PTK7: variants seen among roughly 807,000 people sequenced by gnomAD.
PTK7 encodes the protein protein tyrosine kinase 7 (inactive).
PTK7 carries 39 observed loss-of-function variants against 116.6 expected under a neutral mutation model. That is an observed-to-expected ratio of 0.33 (90% confidence interval 0.26 to 0.44). PTK7 has a LOEUF of 0.44. Among genes scored for constraint, PTK7 ranks in the 20% least tolerant of loss-of-function variants. PTK7 has a pLI of 1.00. For synonymous variants in PTK7, 546 were observed against 563.6 expected (o/e 0.97, Z 0.44); for missense variants, 1,169 against 1,425.6 (o/e 0.82, Z 2.90).
rs2150362184 is a variant in PTK7, at chr6:43,076,408, G to T, written c.-81G>T. The T allele has an allele frequency of 6.8e-6, 8 of 1,182,204 alleles. No homozygotes were observed. Among genetic ancestry groups the T allele is most frequent in the South Asian group, 4.0e-5 (2 of 50,018 alleles). The allele number at this position is 1,182,204 out of a possible 1,614,324, so 73.2% of individuals were successfully genotyped here. A position where few individuals can be genotyped will look rare whatever the true frequency, so the allele number is the denominator to read the frequency against. On this transcript the variant is annotated 5_prime_UTR_variant, in exon 1 of 20. Coordinates refer to ENST00000230419, the MANE Select transcript of PTK7 (RefSeq NM_002821.5). This position sits in a 1 kb window ranked among gnomAD's most constrained non-coding sequence, Gnocchi z 5.7. ...TGCTGCGGCGCCCGCGCTCCGGTGC[G>T]CTCCGCCTCCTGTGCCCGCCGCGGA...
chr6:43,107,258 A>G (rs1482089886), intron 1 of PTK7, among the ~76,000 whole-genome samples: 1 of 152,060 alleles, frequency 6.6e-6, no homozygotes, highest in Non-Finnish European at 1.5e-5. Flanking sequence ...TCTGACTTAG[A>G]TGCTTCTCTT....
rs761818353 is a variant in PTK7 at position 43,142,066 on chromosome 6, C to G, written c.1904C>G (p.Thr635Ser). ...GGCAAGGACCGCATCCTGGACCCCA[C>G]CAAGCTGGGACCCAGGTAGGGCCAC... ...WKGKDRILDP[T>S]KLGPRMHIFQ... is the part of the protein sequence containing the mutation. The change falls in exon 12 of 20, where the codon ACC (threonine) becomes AGC (serine). Residue 635 changes from threonine to serine, a missense_variant. By Grantham distance (58) the Thr-to-Ser change is moderately conservative (BLOSUM62 1). Coordinates refer to ENST00000230419, the MANE Select transcript of PTK7 (RefSeq NM_002821.5). 18 of 1,613,702 alleles carry G rather than the reference C, an allele frequency of 1.1e-5. No individual in the cohort carries two copies. The African/African-American group carries it at 2.0e-4, about 18-fold the overall frequency.
intron 1 of PTK7, chr6:43,077,004 G>C: frequency 6.9e-7 from 1 of 1,453,800 alleles, no homozygotes; most frequent in Non-Finnish European, 9.1e-7. Flanking sequence ...TTGCTGGTTT[G>C]GGGCCCGATG....
Position 43,142,035 on chromosome 6 carries a change from T to A in PTK7, c.1873T>A (p.Trp625Arg). 1 of 1,613,770 alleles carries A rather than the reference T, an allele frequency of 6.2e-7. No individual in the cohort carries two copies. The highest frequency in any genetic ancestry group is 8.5e-7 in the Non-Finnish European group (1 of 1,179,962). The change falls in exon 12 of 20, where the codon TGG (tryptophan) becomes AGG (arginine). Residue 625 changes from tryptophan to arginine, a missense_variant. Trp to Arg is a moderately radical substitution (Grantham distance 101). Coordinates refer to ENST00000230419, the MANE Select transcript of PTK7 (RefSeq NM_002821.5). The part of the protein sequence containing the change: ...AQGDPKPLIQ[W>R]KGKDRILDPT... ...GGGGGACCCCAAGCCGCTGATTCAGTGGAAAGGCAAGGACCGCATCCTGGA... is the reference window on the plus strand; with the variant it reads ...GGGGGACCCCAAGCCGCTGATTCAGAGGAAAGGCAAGGACCGCATCCTGGA...
intron 17 of PTK7, among the ~76,000 whole-genome samples, chr6:43,154,706 G>A (rs73736715): frequency 6.6e-6 from 1 of 152,210 alleles, no homozygotes; most frequent in African/African-American, 2.4e-5. Flanking sequence ...GATGTCTTTG[G>A]AGTGTCCCCT....
At chr6:43,115,889 C>T (rs191326435) in intron 1 of PTK7, among the ~76,000 whole-genome samples, 486 of 144,986 alleles carry the variant, frequency 3.4e-3, no homozygotes, top group Non-Finnish European at 5.5e-3. Context: ...GATCGCGCCA[C>T]TGCACTCCAA....
chr6:43,116,907 T>C (rs1156330181), intron 1 of PTK7, among the ~76,000 whole-genome samples: 1 of 152,162 alleles, frequency 6.6e-6, no homozygotes, highest in Non-Finnish European at 1.5e-5. Context: ...CACTGCAACC[T>C]CCATCTCCTG....
chr6:43,112,565 C>T (rs1451834363), intron 1 of PTK7, among the ~76,000 whole-genome samples: 2 of 152,046 alleles, frequency 1.3e-5, no homozygotes, highest in Non-Finnish European at 2.9e-5. Flanking sequence ...GTTCCCTTAC[C>T]ACCACACCTG....
In PTK7 at chr6:43,139,249, G is replaced by T. The variant is rs145195593; in HGVS notation, c.1476G>T (p.Ala492=). 1.9e-6 allele frequency: 3 copies of T among 1,614,248 alleles called. No homozygotes were observed. The highest frequency in any genetic ancestry group is 2.5e-6 in the Non-Finnish European group (3 of 1,180,046). ...GCACCCCAGCCGGCAGCATCGAGGC[G>T]CAAGCCCGTGTCCAAGTGCTGGGTG... The part of the protein sequence containing the change: ...MSSTPAGSIE[A]QARVQVLEKL... Residue 492 remains alanine, a synonymous_variant, in exon 9 of 20, where the codon GCG becomes GCT. Coordinates refer to ENST00000230419, the MANE Select transcript of PTK7 (RefSeq NM_002821.5). The surrounding 1 kb of genome is among the most constrained non-coding windows in gnomAD (Gnocchi z 4.6).
chr6:43,130,028 G>A (rs141247508), intron 3 of PTK7, among the ~76,000 whole-genome samples, 199 bp downstream of exon 3: 98 of 152,302 alleles, frequency 6.4e-4, no homozygotes, highest in South Asian at 1.0e-3. Context: ...CACATTGTGT[G>A]TAGAGCTGGG....
rs879015679 is a variant in PTK7, at chr6:43,145,140, A to C, written c.2408-60A>C. On this transcript the variant is annotated intron_variant, in intron 15 of 19. Coordinates refer to ENST00000230419, the MANE Select transcript of PTK7 (RefSeq NM_002821.5). This position sits in a 1 kb window ranked among gnomAD's most constrained non-coding sequence, Gnocchi z 4.8. ...GTGGGAGAGGCTAGGCCCCTCCCCC[A>C]GGTCAGGAGCTGCCTCGGCCTGGGT... The C allele has an allele frequency of 9.6e-6, 14 of 1,464,626 alleles. No homozygotes were observed. The highest frequency in any genetic ancestry group is 4.0e-5 in the South Asian group (3 of 75,310). 90.7% of individuals were successfully genotyped at this position (1,464,626 alleles called of 1,614,324 possible).
intron 17 of PTK7, among the ~76,000 whole-genome samples, chr6:43,158,226 G>A (rs1771631488): frequency 6.6e-6 from 1 of 151,764 alleles, no homozygotes; most frequent in Admixed American, 6.6e-5. Context: ...GTGAACCCGG[G>A]AGGCAGAGCT....
chr6:43,160,103 T>TATC, intron 19 of PTK7, 137 bp downstream of exon 19: 1 of 897,958 alleles, frequency 1.1e-6, no homozygotes, highest in Non-Finnish European at 1.7e-6. Flanking sequence ...ACTCTGGTTG[T>TATC]TAAAATACTG....
chr6:43,132,450 C>A lies in PTK7; in HGVS notation c.991C>A (p.Arg331=). The A allele has an allele frequency of 6.3e-7, 1 of 1,588,684 alleles. No homozygotes were observed. ...EIEDMPLFEP[R]VFTAGSEERV... ...TGAAGACATGCCGCTATTTGAGCCA[C>A]GGGTGTTTACAGCTGGCAGCGAGGA... Residue 331 remains arginine, a synonymous_variant, in exon 7 of 20, where the codon CGG becomes AGG. Transcript: ENST00000230419.
At chr6:43,089,755 C>T (rs1766845115) in intron 1 of PTK7, among the ~76,000 whole-genome samples, 1 of 152,166 alleles carries the variant, frequency 6.6e-6, no homozygotes, top group Admixed American at 6.5e-5. Flanking sequence ...GGTCCTGGAA[C>T]AGCCCTGGAG....
chr6:43,156,250 AAAAAG>A, intron 17 of PTK7, among the ~76,000 whole-genome samples: 2 of 149,712 alleles, frequency 1.3e-5, no homozygotes, highest in Non-Finnish European at 3.0e-5. Context: ...AAAAAAAAAA[AAAAAG>A]AATTAAAATA....
intron 6 of PTK7, 109 bp from the exon 7 acceptor site, chr6:43,132,312 T>C: frequency 6.7e-7 from 1 of 1,496,910 alleles, no homozygotes; most frequent in Admixed American, 2.1e-5. Flanking sequence ...TGCAGAGGGC[T>C]GCAGGGGAGG....
chr6:43,109,701 C>CTTTTTTTTTTTTTT (rs869108681), intron 1 of PTK7, among the ~76,000 whole-genome samples: 1 of 139,814 alleles, frequency 7.2e-6, no homozygotes, highest in Non-Finnish European at 1.6e-5. Context: ...GGAGTATTTT[C>CTTTTTTTTTTTTTT]TTTTTTTTTT....
chr6:43,138,678 T>A (rs1770192899), intron 7 of PTK7, 171 bp from the exon 8 acceptor site: 15 of 903,822 alleles, frequency 1.7e-5, no homozygotes, highest in Middle Eastern at 3.2e-4. Flanking sequence ...AAAAAAATTT[T>A]AAAAAAGGTG....
Sources: gnomAD v4.1 joint callset for allele counts (sites outside exome capture counted in the v4.1 genomes callset) on GRCh38, gnomAD v4.1.1 for gene constraint, Gnocchi (gnomAD v3.1) non-coding constraint, MANE v1.5 for transcripts, NCBI Gene and HGNC (gene_info 2026-07-23, HGNC 2026-07-21) for gene names.